The following CCND3 variants were observed in gnomAD, a reference collection of about 807,000 sequenced individuals.
CCND3 encodes cyclin D3, also known as G1/S-specific cyclin-D3.
In CCND3, 9 loss-of-function variants were observed where a neutral mutation model predicts 28.7. The observed-to-expected ratio is 0.31, with a 90% CI of 0.19 to 0.55. The LOEUF is 0.55. Ranked by LOEUF, CCND3 falls within the 20% of genes least tolerant of loss-of-function variation. The probability of loss-of-function intolerance (pLI) is 0.93; values close to 1 mark genes in which losing one functional copy is unlikely to be tolerated. For missense variants in CCND3, 315 were observed against 385.8 expected, an observed-to-expected ratio of 0.82 and a Z score of 1.54; for synonymous variants, 164 against 163.9, an observed-to-expected ratio of 1.00 and a Z score of 0.00.
At chr6:41,959,485 C>G (rs555020094) in intron 1 of CCND3, among the ~76,000 whole-genome samples, 2 of 151,464 alleles carry the variant, frequency 1.3e-5, no homozygotes, top group African/African-American at 2.4e-5. Context: ...GAGATTGAGA[C>G]CATCCTGGCC....
chr6:41,943,701 T>A (rs892567996), upstream of CCND3, among the ~76,000 whole-genome samples: 32 of 152,344 alleles, frequency 2.1e-4, no homozygotes, highest in Non-Finnish European at 2.1e-4. Flanking sequence ...ATTGCCAAAT[T>A]TTCCTGCTGA....
intron 1 of CCND3, among the ~76,000 whole-genome samples, chr6:42,009,241 C>T (rs1300670973): frequency 1.3e-5 from 2 of 152,058 alleles, no homozygotes; most frequent in African/African-American, 2.4e-5. Context: ...TTTGGGGGGC[C>T]GAGGCAGTTG....
intron 1 of CCND3, among the ~76,000 whole-genome samples, chr6:41,959,201 C>G (rs1761631378): frequency 6.6e-6 from 1 of 152,118 alleles, no homozygotes; most frequent in Non-Finnish European, 1.5e-5. Context: ...GTAATCTCAG[C>G]TATTCGGGAG....
chr6:41,998,192 G>T (rs1400866697), intron 1 of CCND3, among the ~76,000 whole-genome samples: 1 of 151,306 alleles, frequency 6.6e-6, no homozygotes, highest in Admixed American at 6.6e-5. Flanking sequence ...GGAAGCTGAG[G>T]CATGAGAATC....
At chr6:42,043,485 C>T (rs1279867818) in intron 1 of CCND3, among the ~76,000 whole-genome samples, 1 of 152,158 alleles carries the variant, frequency 6.6e-6, no homozygotes, top group Non-Finnish European at 1.5e-5. Flanking sequence ...GGGCCAAGAT[C>T]GTGCCAATGC....
chr6:42,027,792 GGC>G lies in CCND3; in HGVS notation c.-46+20707_-46+20708del, dbSNP rs1763924676. Among the ~76,000 whole-genome samples the G allele has an allele frequency of 4.6e-5, 7 of 151,960 alleles. No individual in the cohort carries two copies. In the East Asian group the frequency reaches 1.4e-3, roughly 29 times the overall value. On this transcript the variant is annotated intron_variant, in intron 1 of 4. Transcript: ENST00000372988. ...ACAAGAGTTTTGCTCTTGTTGTCCA[GGC>G]TGGAGGGCAATGGCTCAATCTCAGC...
upstream of CCND3, among the ~76,000 whole-genome samples, chr6:41,944,099 G>A (rs1776108647): frequency 6.6e-6 from 1 of 152,014 alleles, no homozygotes; most frequent in Non-Finnish European, 1.5e-5. Context: ...GGGAGGCTGA[G>A]GCAGGAGGAT....
intron 1 of CCND3, among the ~76,000 whole-genome samples, chr6:42,021,468 T>C (rs1763711706): frequency 6.6e-6 from 1 of 152,096 alleles, no homozygotes; most frequent in African/African-American, 2.4e-5. Context: ...CCTTCACATG[T>C]GCTGAATGAA....
intron 1 of CCND3, chr6:42,011,018 A>C (rs1280968128): frequency 1.3e-5 from 2 of 152,158 alleles, no homozygotes; most frequent in African/African-American, 4.8e-5. Flanking sequence ...GTCATTTCAC[A>C]AGGATCCAAT....
intron 1 of CCND3, among the ~76,000 whole-genome samples, chr6:41,949,660 G>A (rs556542582): frequency 2.6e-5 from 4 of 151,952 alleles, no homozygotes; most frequent in Non-Finnish European, 4.4e-5. Context: ...TAACAAAACC[G>A]TGCAAGCCAC....
intron 1 of CCND3, among the ~76,000 whole-genome samples, chr6:42,022,604 G>A (rs1278272510): frequency 6.6e-6 from 1 of 152,172 alleles, no homozygotes; most frequent in Non-Finnish European, 1.5e-5. Context: ...GTCAAAACAG[G>A]CTCCCCCCAA....
intron 1 of CCND3, among the ~76,000 whole-genome samples, chr6:41,964,155 C>T (rs1761789718): frequency 6.6e-6 from 1 of 152,222 alleles, no homozygotes; most frequent in Admixed American, 6.5e-5. Flanking sequence ...GAAGAGCCTC[C>T]TGCTGAGAGC....
intron 1 of CCND3, among the ~76,000 whole-genome samples, chr6:42,003,174 A>AG (rs780909530): frequency 1.7e-4 from 23 of 136,404 alleles, no homozygotes; most frequent in Non-Finnish European, 3.0e-4. Flanking sequence ...AAAAAAAAAA[A>AG]AAGAGAAATA....
chr6:41,954,940 T>A lies in CCND3; in HGVS notation c.-45-14355A>T, dbSNP rs77883842. Among the ~76,000 whole-genome samples the A allele has an allele frequency of 2.4e-3, 373 of 152,290 alleles. 3 individuals carry two copies. Among genetic ancestry groups the A allele is most frequent in the African/African-American group, 8.4e-3 (348 of 41,568 alleles). ...GACTGGAATGAATTTTCCTCCCTGA[T>A]GATGTTATTAAGCTGCTGAATTAAC... is the stretch of plus-strand genomic sequence containing the variant. On this transcript the variant is annotated intron_variant, in intron 1 of 4. Transcript: ENST00000372988.
intron 1 of CCND3, among the ~76,000 whole-genome samples, chr6:41,977,991 G>A (rs1190799021): frequency 6.6e-6 from 1 of 151,256 alleles, no homozygotes; most frequent in Non-Finnish European, 1.5e-5. Flanking sequence ...GGAGGCAGAG[G>A]TTGCAGCAAG....
chr6:42,030,863 C>A (rs1267964020), intron 1 of CCND3, among the ~76,000 whole-genome samples: 1 of 151,962 alleles, frequency 6.6e-6, no homozygotes, highest in Non-Finnish European at 1.5e-5. Flanking sequence ...TCTAAGGGAG[C>A]TGAGCCAAGG....
At position 41,953,696 on chromosome 6, in the gene CCND3, C is replaced by T. The variant is rs79675842; in HGVS notation, c.-45-13111G>A. ...CAGGGGAGGTCAGGGACTCCCTGGT[C>T]TTGGAGGTTGAATCCAAGTTACTCC... On this transcript the variant is annotated intron_variant, in intron 1 of 4. Coordinates refer to the CCND3 transcript ENST00000372988. 2.3e-3 allele frequency among the ~76,000 whole-genome samples: 351 copies of T among 152,080 alleles called. 5 individuals carry two copies. Among genetic ancestry groups the T allele is most frequent in the African/African-American group, 7.9e-3 (326 of 41,514 alleles).
Position 41,940,512 on chromosome 6 carries a change from C to T in CCND3, c.272G>A (p.Cys91Tyr), listed in dbSNP as rs150497154. The T allele has an allele frequency of 4.6e-5, 75 of 1,613,978 alleles. No homozygotes were observed. The African/African-American group carries it at 8.4e-4, about 18-fold the overall frequency. ...AMNYLDRYLS[C>Y]VPTRKAQLQL... is the part of the protein sequence containing the mutation. ...CAACTGCGCCTTTCGGGTGGGGACG[C>T]AAGACAGGTAGCGATCCAGGTAGTT... The change falls in exon 2 of 5, where the codon TGC (cysteine) becomes TAC (tyrosine). Residue 91 changes from cysteine (C) to tyrosine (Y), a missense_variant. Coordinates refer to ENST00000372991, the MANE Select transcript of CCND3 (RefSeq NM_001760.5).
intron 1 of CCND3, among the ~76,000 whole-genome samples, chr6:41,973,921 G>A (rs1007290532): frequency 2.6e-5 from 4 of 152,176 alleles, no homozygotes; most frequent in Admixed American, 6.5e-5. Flanking sequence ...AGTGGCTCAC[G>A]CCTGTAATCC....
Sources: allele counts gnomAD v4.1 joint callset (sites outside exome capture counted in the v4.1 genomes callset), GRCh38; gene constraint gnomAD v4.1.1; transcripts MANE v1.5; gene names NCBI Gene and HGNC (gene_info 2026-07-23, HGNC 2026-07-21).